The following CLNK variants were observed in gnomAD, a reference collection of about 807,000 sequenced individuals.
The protein encoded by CLNK is cytokine-dependent hematopoietic cell linker.
A neutral mutation model predicts 68.6 loss-of-function variants in CLNK; 74 were observed. The ratio of observed to expected loss-of-function variants is 1.08; its 90% CI spans 0.89 to 1.31. CLNK has a LOEUF of 1.31. Among genes scored for constraint, CLNK ranks in the 50% most tolerant of loss-of-function variants. The pLI, the probability that CLNK is intolerant of heterozygous loss-of-function variation, is 0.00. For synonymous variants in CLNK, 198 were observed against 172.2 expected (o/e 1.15, Z -1.17); for missense variants, 553 against 515.3 (o/e 1.07, Z -0.71).
the CLNK span, among the ~76,000 whole-genome samples, chr4:10,722,672 T>C: frequency 6.6e-6 from 1 of 152,172 alleles, no homozygotes; most frequent in Admixed American, 6.5e-5. Context: ...TTTATTGAGA[T>C]CTGCTATTGT....
intron 2 of CLNK, among the ~76,000 whole-genome samples, chr4:10,621,304 G>A (rs770009714): frequency 5.3e-5 from 8 of 152,176 alleles, no homozygotes; most frequent in Non-Finnish European, 1.2e-4. Context: ...TGAGGGCAGG[G>A]ACTGTATTTT....
intron 1 of CLNK, among the ~76,000 whole-genome samples, chr4:10,682,855 C>T (rs1725144276): frequency 1.3e-5 from 2 of 152,098 alleles, no homozygotes; most frequent in South Asian, 2.1e-4. Flanking sequence ...GGCTATACAA[C>T]TGTGGAATAT....
the CLNK span, among the ~76,000 whole-genome samples, chr4:10,731,521 C>T: frequency 1.3e-5 from 2 of 152,196 alleles, no homozygotes; most frequent in East Asian, 1.9e-4. Context: ...CAAAGAAAGA[C>T]AGATTCTTCC....
chr4:10,723,780 TA>T, the CLNK span, among the ~76,000 whole-genome samples: 1 of 151,920 alleles, frequency 6.6e-6, no homozygotes, highest in East Asian at 1.9e-4. Context: ...CGGGAATAAC[TA>T]GATTGCAGGA....
At chr4:10,649,480 G>C (rs895963442) in intron 2 of CLNK, among the ~76,000 whole-genome samples, 1 of 152,124 alleles carries the variant, frequency 6.6e-6, no homozygotes, top group East Asian at 1.9e-4. Flanking sequence ...GAACATGGGA[G>C]ACTTGATACA....
At chr4:10,635,322 G>A (rs1723038321) in intron 2 of CLNK, among the ~76,000 whole-genome samples, 1 of 152,148 alleles carries the variant, frequency 6.6e-6, no homozygotes, top group South Asian at 2.1e-4. Flanking sequence ...ACAGTGAAGT[G>A]TCAGGAGATC....
At chr4:10,596,262 TG>T (rs1714966180) in intron 3 of CLNK, among the ~76,000 whole-genome samples, 3 of 152,162 alleles carry the variant, frequency 2.0e-5, no homozygotes, top group Non-Finnish European at 4.4e-5. Flanking sequence ...TGACCTCAGG[TG>T]ATCCGCCTGC....
rs374193706 is a variant in CLNK at position 10,611,561 on chromosome 4, C to T, written c.12-13512G>A. Reference sequence around the variant, plus strand: ...TGCAGGGAAGCTGGGAGGGGCCTCCCGTGAGTGCCAGAGGGGCTTCTAGAG... The same window carrying T: ...TGCAGGGAAGCTGGGAGGGGCCTCCTGTGAGTGCCAGAGGGGCTTCTAGAG... On this transcript the variant is annotated intron_variant, in intron 2 of 18. Coordinates refer to ENST00000226951, the MANE Select transcript of CLNK (RefSeq NM_052964.4). 1.1e-4 allele frequency among the ~76,000 whole-genome samples: 17 copies of T among 152,106 alleles called. No individual in the cohort carries two copies. The East Asian group carries it at 1.4e-3, about 12-fold the overall frequency.
chr4:10,647,035 C>T (rs1723540285), intron 2 of CLNK, among the ~76,000 whole-genome samples: 1 of 152,054 alleles, frequency 6.6e-6, no homozygotes, highest in South Asian at 2.1e-4. Context: ...CTTGTGTTTC[C>T]CAGGCGATGC....
chr4:10,513,748 TTC>T (rs992120436), intron 15 of CLNK, among the ~76,000 whole-genome samples, 151 bp from the exon 16 acceptor site: 4 of 151,984 alleles, frequency 2.6e-5, no homozygotes, highest in Non-Finnish European at 2.9e-5. Context: ...GTGACCTTAA[TTC>T]TCTCTGTTTT....
At chr4:10,635,259 C>T (rs1446281350) in intron 2 of CLNK, among the ~76,000 whole-genome samples, 1 of 152,212 alleles carries the variant, frequency 6.6e-6, no homozygotes, top group African/African-American at 2.4e-5. Context: ...CCCATTGTGA[C>T]TGGCAACTTC....
chr4:10,683,209 C>G (rs140576944), intron 1 of CLNK, among the ~76,000 whole-genome samples: 6 of 152,282 alleles, frequency 3.9e-5, no homozygotes, highest in African/African-American at 1.4e-4. Flanking sequence ...CCATTTTGAT[C>G]AGGCGTCAAA....
intron 2 of CLNK, among the ~76,000 whole-genome samples, chr4:10,657,805 T>G (rs1724040990): frequency 6.6e-6 from 1 of 152,248 alleles, no homozygotes; most frequent in African/African-American, 2.4e-5. Context: ...GATTTTGCAC[T>G]GCAGCTTCTT....
chr4:10,671,513 C>T (rs753446857), intron 1 of CLNK, among the ~76,000 whole-genome samples: 7 of 152,224 alleles, frequency 4.6e-5, no homozygotes, highest in Non-Finnish European at 7.3e-5. Flanking sequence ...GTGCTCTACT[C>T]AGAATGGCTG....
intron 11 of CLNK, among the ~76,000 whole-genome samples, chr4:10,536,115 C>A (rs184366706): frequency 7.2e-5 from 11 of 152,280 alleles, no homozygotes; most frequent in African/African-American, 2.4e-4. Flanking sequence ...GCTGGAACCA[C>A]AAAGACCATC....
chr4:10,688,620 T>C (rs528833140), upstream of CLNK, among the ~76,000 whole-genome samples: 3 of 152,246 alleles, frequency 2.0e-5, no homozygotes, highest in Non-Finnish European at 4.4e-5. Context: ...TTCTCTCCTT[T>C]CTCCCCTTTA....
chr4:10,507,466 T>G (rs1456496925), intron 17 of CLNK, among the ~76,000 whole-genome samples: 2 of 91,706 alleles, frequency 2.2e-5, no homozygotes, highest in East Asian at 5.9e-4. Flanking sequence ...ATTTATTTAT[T>G]TATTTATTTA....
Position 10,673,884 on chromosome 4 carries a change from G to A in CLNK, c.-42-5973C>T, listed in dbSNP as rs747359827. ...ATGCAACATCTTCTTGCCTTGATTC[G>A]GAGACCTTGAGAAGCTGGAATGCCC... is the stretch of plus-strand genomic sequence containing the variant. On this transcript the variant is annotated intron_variant, in intron 1 of 18. Coordinates refer to ENST00000226951, the MANE Select transcript of CLNK (RefSeq NM_052964.4). Among the ~76,000 whole-genome samples, 8 of 152,208 alleles carry A rather than the reference G, an allele frequency of 5.3e-5. No individual in the cohort carries two copies. The South Asian group carries it at 8.3e-4, about 16-fold the overall frequency.
At chr4:10,520,702 C>T (rs1718025310) in intron 15 of CLNK, 89 bp downstream of exon 15, 1 of 922,854 alleles carries the variant, frequency 1.1e-6, no homozygotes, top group African/African-American at 1.6e-5. Flanking sequence ...CTCAGTGGCT[C>T]TGGGGTTCAC....
Sources: gnomAD v4.1 joint callset for allele counts (sites outside exome capture counted in the v4.1 genomes callset) on GRCh38, gnomAD v4.1.1 for gene constraint, MANE v1.5 for transcripts, NCBI Gene and HGNC (gene_info 2026-07-23, HGNC 2026-07-21) for gene names.